The following SLC26A11 variants were observed in gnomAD, a reference collection of about 807,000 sequenced individuals.
SLC26A11 encodes the protein sodium-independent sulfate anion transporter.
A neutral mutation model predicts 62.2 loss-of-function variants in SLC26A11; 58 were observed. The observed-to-expected ratio is 0.93, with a 90% confidence interval of 0.76 to 1.16. The LOEUF (loss-of-function observed/expected upper bound fraction) is 1.16, where lower values mean the gene tolerates loss of function less well. Among genes scored for constraint, SLC26A11 ranks in the 50% most tolerant of loss-of-function variants. The pLI, the probability that SLC26A11 is intolerant of heterozygous loss-of-function variation, is 0.00. For missense variants in SLC26A11, 790 were observed against 794.3 expected (o/e 0.99, Z 0.06); for synonymous variants, 411 against 368.9 (o/e 1.11, Z -1.31).
At chr17:80,226,139 G>A (rs746161098) in intron 6 of SLC26A11, among the ~76,000 whole-genome samples, 4 of 152,224 alleles carry the variant, frequency 2.6e-5, no homozygotes, top group Admixed American at 6.5e-5. Flanking sequence ...GGTGGTCTGC[G>A]CGCAGGGGAG....
chr17:80,249,043 A>T, intron 15 of SLC26A11, 111 bp from the exon 16 acceptor site: 1 of 1,342,228 alleles, frequency 7.5e-7, no homozygotes, highest in South Asian at 1.5e-5. Flanking sequence ...CACGAGATGG[A>T]GCACTCTGGC....
At chr17:80,241,060 G>A (rs1242096076) in intron 9 of SLC26A11, among the ~76,000 whole-genome samples, 1 of 149,286 alleles carries the variant, frequency 6.7e-6, no homozygotes, top group Non-Finnish European at 1.5e-5. Flanking sequence ...AGCTGTGATA[G>A]TGCCACTGCA....
intron 6 of SLC26A11, among the ~76,000 whole-genome samples, chr17:80,227,165 A>G (rs1292116099): frequency 6.6e-6 from 1 of 152,218 alleles, no homozygotes; most frequent in Non-Finnish European, 1.5e-5. Flanking sequence ...ATTGTCTTAA[A>G]ATACACTAAT....
rs766310412 is a variant in SLC26A11 at position 80,246,210 on chromosome 17, GTAA to G, written c.1153+2_1153+4del. 1 of 1,610,294 alleles carries G rather than the reference GTAA, an allele frequency of 6.2e-7. No individual in the cohort carries two copies. Reference sequence around the variant, plus strand: ...ACCCCGGCGGGGGGCCTGGTGACGGGTAAGGCCCCCCATCTTCCCCTTGTGCCC... The same window carrying G: ...ACCCCGGCGGGGGGCCTGGTGACGGGGGCCCCCCATCTTCCCCTTGTGCCC... On this transcript the variant is annotated splice_donor_variant and splice_donor_region_variant and intron_variant, in intron 12 of 17. Coordinates refer to ENST00000361193, the MANE Select transcript of SLC26A11 (RefSeq NM_001166347.2). LOFTEE classifies it high-confidence loss of function. The surrounding 1 kb of genome is among the most constrained non-coding windows in gnomAD (Gnocchi z 4.4).
At chr17:80,232,093 A>G (rs146431087) in intron 7 of SLC26A11, among the ~76,000 whole-genome samples, 11 of 152,216 alleles carry the variant, frequency 7.2e-5, no homozygotes, top group African/African-American at 2.6e-4. Flanking sequence ...ATTGTTTCAT[A>G]TATTTTGAAG....
At chr17:80,234,038 T>C (rs2042629197) in intron 7 of SLC26A11, among the ~76,000 whole-genome samples, 1 of 152,196 alleles carries the variant, frequency 6.6e-6, no homozygotes, top group African/African-American at 2.4e-5. Flanking sequence ...AGTGTCTCGC[T>C]GTGTCACCCA....
rs867396027 is a variant in SLC26A11 at position 80,233,731 on chromosome 17, G to C, written c.737-3197G>C. On this transcript the variant is annotated intron_variant, in intron 7 of 17. Transcript: ENST00000361193. The stretch of plus-strand genomic sequence containing the variant: ...TGGGACTATAGGCATGCATCACCAC[G>C]CCTGGATAATTTTTTATTTTTACTT... Among the ~76,000 whole-genome samples the C allele has an allele frequency of 7.2e-5, 11 of 151,960 alleles. No homozygotes were observed. In the East Asian group the frequency reaches 1.9e-3, roughly 27 times the overall value.
In SLC26A11 at chr17:80,228,128, A is replaced by G. The variant is rs550923650; in HGVS notation, c.736+168A>G. On this transcript the variant is annotated intron_variant, in intron 7 of 17. Transcript: ENST00000361193. This position sits in a 1 kb window ranked among gnomAD's most constrained non-coding sequence, Gnocchi z 4.1. ...ACTCTGGGACATGTACTTTTTATTT[A>G]ATTAATTAATTAATTATTTTTTGAG... 5.9e-5 allele frequency among the ~76,000 whole-genome samples: 9 copies of G among 152,058 alleles called. No individual in the cohort carries two copies. Among genetic ancestry groups the G allele is most frequent in the African/African-American group, 1.9e-4 (8 of 41,444 alleles).
At position 80,252,179 on chromosome 17, in the gene SLC26A11, C is replaced by T. The variant is rs2043175029; in HGVS notation, c.1730-446C>T. Among the ~76,000 whole-genome samples, 2 of 152,310 alleles carry T rather than the reference C, an allele frequency of 1.3e-5. No homozygotes were observed. Among genetic ancestry groups the T allele is most frequent in the South Asian group, 4.1e-4 (2 of 4,824 alleles). On this transcript the variant is annotated intron_variant, in intron 17 of 17. Transcript: ENST00000361193. This position sits in a 1 kb window ranked among gnomAD's most constrained non-coding sequence, Gnocchi z 5.2. ...TCCACCCCAGGCCACACAGCAGTGG[C>T]CAGAGGGTCCCAGGCCCCAGTGCTA...
intron 17 of SLC26A11, among the ~76,000 whole-genome samples, chr17:80,251,678 G>A (rs2043160214): frequency 6.6e-6 from 1 of 151,670 alleles, no homozygotes; most frequent in African/African-American, 2.4e-5. Flanking sequence ...CAGGAGAATC[G>A]CTTGAACCCA....
Position 80,249,266 on chromosome 17 carries a change from C to G in SLC26A11, c.1635C>G (p.Ala545=). 1.2e-6 allele frequency: 2 copies of G among 1,610,880 alleles called. No homozygotes were observed. The highest frequency in any genetic ancestry group is 1.7e-6 in the Non-Finnish European group (2 of 1,179,998). Residue 545 remains alanine (A), a synonymous_variant, in exon 16 of 18, where the codon GCC becomes GCG. Coordinates refer to ENST00000361193, the MANE Select transcript of SLC26A11 (RefSeq NM_001166347.2). ...LLQDFQKQGV[A]LAFVGLQVPV... is the part of the protein sequence containing the mutation. ...AGGACTTCCAGAAGCAGGGCGTCGC[C>G]CTGGCCTTTGTGGGCCTGCAGGTGG...
Position 80,237,615 on chromosome 17 carries a change from A to G in SLC26A11, c.985+21A>G, listed in dbSNP as rs1474539645. 5 of 1,605,100 alleles carry G rather than the reference A, an allele frequency of 3.1e-6. No individual in the cohort carries two copies. The South Asian group carries it at 3.4e-5, about 11-fold the overall frequency. ...CTTCGGTAAGACGCCTGTCACCCAC[A>G]CCCCAGGTCTCCCAGTGCGCCGGCT... On this transcript the variant is annotated intron_variant, in intron 9 of 17. Coordinates refer to ENST00000361193, the MANE Select transcript of SLC26A11 (RefSeq NM_001166347.2).
In SLC26A11 at chr17:80,222,067, C is replaced by T; in HGVS notation, c.234+273C>T. On this transcript the variant is annotated intron_variant, in intron 3 of 17. Coordinates refer to ENST00000361193, the MANE Select transcript of SLC26A11 (RefSeq NM_001166347.2). This position sits in a 1 kb window ranked among gnomAD's most constrained non-coding sequence, Gnocchi z 4.7. ...ACCAGCCCGACCAAAATGGTGAAAC[C>T]CCGTCTCCACTAAAAATACAAAAAT... 4.6e-6 allele frequency: 2 copies of T among 430,836 alleles called. No homozygotes were observed. The highest frequency in any genetic ancestry group is 7.9e-5 in the East Asian group (2 of 25,432). The allele number at this position is 430,836 out of a possible 1,614,324, so 26.7% of individuals were successfully genotyped here.
rs140824671 is a variant in SLC26A11, at chr17:80,223,298, C to T, written c.474C>T (p.Thr158=). 9.7e-5 allele frequency: 157 copies of T among 1,614,186 alleles called. No individual in the cohort carries two copies. The African/African-American group carries it at 2.0e-3, about 20-fold the overall frequency. Residue 158 remains threonine, a synonymous_variant, in exon 5 of 18, where the codon ACC becomes ACT. Coordinates refer to ENST00000361193, the MANE Select transcript of SLC26A11 (RefSeq NM_001166347.2). This position sits in a 1 kb window ranked among gnomAD's most constrained non-coding sequence, Gnocchi z 4.6. ...CCTACCCCGTCATTAAAGGCTTCAC[C>T]TCTGCTGCTGCCGTCACCATCGGCT... ...FISYPVIKGF[T]SAAAVTIGFG...
intron 9 of SLC26A11, 31 bp downstream of exon 9, chr17:80,237,625 T>C (rs2144931293): frequency 6.2e-7 from 1 of 1,600,150 alleles, no homozygotes; most frequent in Non-Finnish European, 8.5e-7. Context: ...ACCCCAGGTC[T>C]CCCAGTGCGC....
In SLC26A11 at chr17:80,225,877, T is replaced by C; in HGVS notation, c.554T>C (p.Leu185Pro). The stretch of plus-strand genomic sequence containing the variant: ...CAGAACATCCCCAGGCCGTTCTTCC[T>C]GCAGGTGTACCACACCTTCCTCAGG... ...GLQNIPRPFFLQVYHTFLRIA... is the reference protein window; with the variant it reads ...GLQNIPRPFFPQVYHTFLRIA... The change falls in exon 6 of 18, where the codon CTG (leucine) becomes CCG (proline). Residue 185 changes from leucine (L) to proline (P), a missense_variant. Transcript: ENST00000361193. 2 of 1,614,058 alleles carry C rather than the reference T, an allele frequency of 1.2e-6. No homozygotes were observed. The highest frequency in any genetic ancestry group is 1.7e-6 in the Non-Finnish European group (2 of 1,179,942).
chr17:80,237,665 C>T, intron 9 of SLC26A11, 71 bp downstream of exon 9: 1 of 1,466,684 alleles, frequency 6.8e-7, no homozygotes, highest in Non-Finnish European at 9.4e-7. Context: ...TGCTTTCTAG[C>T]TTGCCTTTAT....
intron 7 of SLC26A11, among the ~76,000 whole-genome samples, chr17:80,231,622 G>T (rs549358850): frequency 6.6e-6 from 1 of 152,114 alleles, no homozygotes; most frequent in East Asian, 1.9e-4. Flanking sequence ...TTTTTATTCG[G>T]TTCTAAATAC....
Position 80,223,278 on chromosome 17 carries a change from C to T in SLC26A11, c.454C>T (p.Pro152Ser), listed in dbSNP as rs200793605. The change falls in exon 5 of 18, where the codon CCC (proline) becomes TCC (serine). Residue 152 changes from proline (P) to serine (S), a missense_variant. Pro to Ser is a moderately conservative substitution (Grantham distance 74). Transcript: ENST00000361193. The surrounding 1 kb of genome is among the most constrained non-coding windows in gnomAD (Gnocchi z 4.6). ...LGFLLDFISYPVIKGFTSAAA... is the reference protein window; with the variant it reads ...LGFLLDFISYSVIKGFTSAAA... ...GTTCCTGCTGGACTTCATTTCCTACCCCGTCATTAAAGGCTTCACCTCTGC... is the reference window on the plus strand; with the variant it reads ...GTTCCTGCTGGACTTCATTTCCTACTCCGTCATTAAAGGCTTCACCTCTGC... 58 of 1,614,106 alleles carry T rather than the reference C, an allele frequency of 3.6e-5. No homozygotes were observed. Among genetic ancestry groups the T allele is most frequent in the Non-Finnish European group, 4.7e-5 (56 of 1,180,018 alleles).
Sources: allele counts gnomAD v4.1 joint callset (sites outside exome capture counted in the v4.1 genomes callset), GRCh38; gene constraint gnomAD v4.1.1; non-coding constraint Gnocchi (gnomAD v3.1); transcripts MANE v1.5; gene names NCBI Gene and HGNC (gene_info 2026-07-23, HGNC 2026-07-21).